The following CSMD3 variants were observed in gnomAD, a reference collection of about 807,000 sequenced individuals.
CSMD3 encodes CUB and sushi domain-containing protein 3.
In CSMD3, 177 loss-of-function variants were observed where a neutral mutation model predicts 435.2. The ratio of observed to expected loss-of-function variants is 0.41; its 90% CI spans 0.36 to 0.46. CSMD3 has a LOEUF of 0.46. Among genes scored for constraint, CSMD3 ranks in the 20% least tolerant of loss-of-function variants. CSMD3 has a pLI of 0.34. For synonymous variants in CSMD3, 1,656 were observed against 1,520.5 expected (o/e 1.09, Z -2.07); for missense variants, 4,265 against 4,504.6 (o/e 0.95, Z 1.52).
At chr8:112,837,322 T>C (rs1331001754) in intron 11 of CSMD3, among the ~76,000 whole-genome samples, 1 of 151,782 alleles carries the variant, frequency 6.6e-6, no homozygotes, top group African/African-American at 2.4e-5. Context: ...CCTTTGATGA[T>C]GTTTAACCAA....
At chr8:113,207,379 AT>A (rs2092783304) in intron 3 of CSMD3, among the ~76,000 whole-genome samples, 1 of 140,784 alleles carries the variant, frequency 7.1e-6, no homozygotes, top group African/African-American at 2.6e-5. Context: ...AACATCAATT[AT>A]TTTTCTTTTT....
chr8:112,985,686 G>A (rs2085229418), intron 6 of CSMD3, among the ~76,000 whole-genome samples: 1 of 152,000 alleles, frequency 6.6e-6, no homozygotes, highest in African/African-American at 2.4e-5. Context: ...ACTGAGCTCT[G>A]CCACCTATCA....
In CSMD3 at chr8:113,268,614, T is replaced by C. The variant is rs537633711; in HGVS notation, c.514+9978A>G. ...TACATAATTAAAGGCCCTTAAACTCTAGCAATATTTAAGAAACAGGAATAT... is the reference window on the plus strand; with the variant it reads ...TACATAATTAAAGGCCCTTAAACTCCAGCAATATTTAAGAAACAGGAATAT... On this transcript the variant is annotated intron_variant, in intron 3 of 70. Coordinates refer to ENST00000297405, the MANE Select transcript of CSMD3 (RefSeq NM_198123.2). 6.6e-5 allele frequency among the ~76,000 whole-genome samples: 10 copies of C among 152,178 alleles called. No homozygotes were observed. In the South Asian group the frequency reaches 8.3e-4, roughly 13 times the overall value.
At chr8:112,682,744 T>C (rs2075929706) in intron 15 of CSMD3, 108 bp from the exon 16 acceptor site, 6 of 823,798 alleles carry the variant, frequency 7.3e-6, no homozygotes, top group Non-Finnish European at 1.0e-5. Context: ...TTTTAAAAGG[T>C]TGTGTTTATT....
rs545347800 is a variant in CSMD3, at chr8:113,300,132, T to C, written c.401+14439A>G. On this transcript the variant is annotated intron_variant, in intron 2 of 70. Transcript: ENST00000297405. ...TGGCACCACTGCACTCCAGCCTGGG[T>C]GACAGAGTGAGACTCTGTCTCAAAA... Among the ~76,000 whole-genome samples the C allele has an allele frequency of 1.1e-3, 141 of 132,562 alleles. 1 individual carries two copies. The highest frequency in any genetic ancestry group is 1.7e-3 in the Non-Finnish European group (113 of 65,130). The allele number at this position is 132,562 out of a possible 152,430, so 87.0% of individuals were successfully genotyped here. A position where few individuals can be genotyped will look rare whatever the true frequency, so the allele number is the denominator to read the frequency against.
intron 10 of CSMD3, among the ~76,000 whole-genome samples, chr8:112,894,566 A>G (rs1215155648): frequency 6.6e-6 from 1 of 151,418 alleles, no homozygotes; most frequent in East Asian, 2.0e-4. Context: ...AATAATTGAC[A>G]CAACAGAGTA....
intron 3 of CSMD3, among the ~76,000 whole-genome samples, chr8:113,229,280 G>A (rs1230648380): frequency 1.3e-5 from 2 of 151,472 alleles, no homozygotes; most frequent in African/African-American, 2.4e-5. Flanking sequence ...TGTTTATAAC[G>A]AACATTTTGT....
At chr8:112,925,406 T>TA (rs560304066) in intron 9 of CSMD3, among the ~76,000 whole-genome samples, 3 of 151,616 alleles carry the variant, frequency 2.0e-5, no homozygotes, top group African/African-American at 7.3e-5. Context: ...AAAATAAAAA[T>TA]AAAAAAATTA....
At chr8:112,756,019 A>T (rs1421074914) in intron 13 of CSMD3, among the ~76,000 whole-genome samples, 1 of 152,052 alleles carries the variant, frequency 6.6e-6, no homozygotes, top group East Asian at 1.9e-4. Flanking sequence ...GGTGCTACAT[A>T]TCCTGGTGGA....
At chr8:112,905,339 C>CACACAT (rs1564088399) in intron 10 of CSMD3, among the ~76,000 whole-genome samples, 99 of 150,350 alleles carry the variant, frequency 6.6e-4, no homozygotes, top group African/African-American at 2.4e-3. Flanking sequence ...CACACACACA[C>CACACAT]ATATATATCA....
Position 112,921,540 on chromosome 8 carries a change from T to C in CSMD3, c.1633+87A>G. ...TCTTTCCTTAAAGATTATATTACAA[T>C]TCAAAGACTTAATTGCAACTTAATT... On this transcript the variant is annotated intron_variant, in intron 10 of 70. Coordinates refer to ENST00000297405, the MANE Select transcript of CSMD3 (RefSeq NM_198123.2). The C allele has an allele frequency of 2.7e-6, 3 of 1,118,740 alleles. No individual in the cohort carries two copies. The South Asian group carries it at 3.8e-5, about 14-fold the overall frequency. The allele number at this position is 1,118,740 out of a possible 1,614,324, so 69.3% of individuals were successfully genotyped here. A position where few individuals can be genotyped will look rare whatever the true frequency, so the allele number is the denominator to read the frequency against.
At chr8:112,503,240 C>T (rs1194194350) in intron 30 of CSMD3, among the ~76,000 whole-genome samples, 1 of 152,080 alleles carries the variant, frequency 6.6e-6, no homozygotes, top group Non-Finnish European at 1.5e-5. Flanking sequence ...TGACACCCCT[C>T]TTGACTAATT....
At chr8:113,001,505 C>T (rs370549815) in intron 6 of CSMD3, among the ~76,000 whole-genome samples, 28 of 152,080 alleles carry the variant, frequency 1.8e-4, no homozygotes, top group African/African-American at 6.5e-4. Flanking sequence ...AGCTTTTACA[C>T]CACTTCATTA....
At chr8:112,311,223 A>C in intron 49 of CSMD3, 57 bp from the exon 50 acceptor site, 1 of 1,439,566 alleles carries the variant, frequency 6.9e-7, no homozygotes, top group Non-Finnish European at 9.8e-7. Flanking sequence ...TTATTACCCA[A>C]AGTGATAAAC....
chr8:113,267,487 C>T (rs1403087139), intron 3 of CSMD3, among the ~76,000 whole-genome samples: 2 of 151,582 alleles, frequency 1.3e-5, no homozygotes, highest in African/African-American at 2.4e-5. Flanking sequence ...TGAAATAAAC[C>T]AAGCACAAAT....
intron 4 of CSMD3, among the ~76,000 whole-genome samples, chr8:113,169,007 T>C (rs1279517046): frequency 6.6e-6 from 1 of 152,176 alleles, no homozygotes; most frequent in East Asian, 1.9e-4. Flanking sequence ...GTATATAAAA[T>C]TTAAAAAATT....
intron 3 of CSMD3, among the ~76,000 whole-genome samples, chr8:113,187,850 T>C (rs2092530757): frequency 6.6e-6 from 1 of 152,002 alleles, no homozygotes; most frequent in South Asian, 2.1e-4. Flanking sequence ...ATCATGATCC[T>C]ACACAATCCT....
intron 57 of CSMD3, among the ~76,000 whole-genome samples, chr8:112,288,148 T>C (rs1819399155): frequency 6.6e-6 from 1 of 151,992 alleles, no homozygotes; most frequent in Non-Finnish European, 1.5e-5. Context: ...CTTATTTTCA[T>C]GTGATGTAAA....
intron 54 of CSMD3, among the ~76,000 whole-genome samples, chr8:112,294,913 A>G (rs1346038847): frequency 2.0e-5 from 3 of 152,104 alleles, no homozygotes; most frequent in Non-Finnish European, 4.4e-5. Flanking sequence ...TTAAAAAATT[A>G]TTTCAATAGT....
Sources: gnomAD v4.1 joint callset for allele counts (sites outside exome capture counted in the v4.1 genomes callset) on GRCh38, gnomAD v4.1.1 for gene constraint, MANE v1.5 for transcripts, NCBI Gene and HGNC (gene_info 2026-07-23, HGNC 2026-07-21) for gene names.